DUS2: variants seen among roughly 807,000 people sequenced by gnomAD.
The protein encoded by DUS2 is tRNA-dihydrouridine(20) synthase [NAD(P)+]-like.
In DUS2, 52 loss-of-function variants were observed where a neutral mutation model predicts 71.3. The observed-to-expected ratio is 0.73, with a 90% CI of 0.58 to 0.92. DUS2 has a LOEUF of 0.92. Ranked by LOEUF, DUS2 falls within the 40% of genes least tolerant of loss-of-function variation. The pLI is 0.00. For missense variants in DUS2, 558 were observed against 622.6 expected (o/e 0.90, Z 1.10); for synonymous variants, 204 against 227.8 (o/e 0.90, Z 0.94).
At chr16:68,056,310 C>T in intron 6 of DUS2, 54 bp from the exon 7 acceptor site, 1 of 1,529,006 alleles carries the variant, frequency 6.5e-7, no homozygotes, top group Non-Finnish European at 9.0e-7. Flanking sequence ...TTTAATTTCA[C>T]CTTCTTTGCT....
At chr16:68,074,267 T>TGTAGAG in intron 13 of DUS2, 112 bp downstream of exon 13, 1 of 1,366,898 alleles carries the variant, frequency 7.3e-7, no homozygotes, top group Non-Finnish European at 1.0e-6. Context: ...TGGATGTAGA[T>TGTAGAG]GTAGAGGAGT....
rs751848596 is a variant in DUS2, at chr16:68,078,951, G to GT, written c.1447_1448insT (p.Gly483ValfsTer4). The GT allele has an allele frequency of 3.1e-6, 5 of 1,591,260 alleles. No homozygotes were observed. The African/African-American group carries it at 6.7e-5, about 21-fold the overall frequency. ...GTGCAAGAAGCCCTTTGTGGCCTTG[G>GT]GAAGTGGTGAAGAAAGCCCCCTGGA... On this transcript the variant is annotated frameshift_variant, in exon 17 of 17. Coordinates refer to ENST00000565263, the MANE Select transcript of DUS2 (RefSeq NM_017803.5). LOFTEE classifies it high-confidence loss of function.
intron 2 of DUS2, among the ~76,000 whole-genome samples, chr16:68,034,989 G>A (rs1357046271): frequency 6.6e-6 from 1 of 152,046 alleles, no homozygotes; most frequent in Non-Finnish European, 1.5e-5. Flanking sequence ...GGGCAACAGA[G>A]CAAGACTCTG....
intron 3 of DUS2, among the ~76,000 whole-genome samples, chr16:68,042,232 T>A (rs1357233552): frequency 6.6e-6 from 1 of 152,216 alleles, no homozygotes; most frequent in Non-Finnish European, 1.5e-5. Flanking sequence ...CTCTATTGTA[T>A]GTATATATCA....
intron 6 of DUS2, 74 bp downstream of exon 6, chr16:68,054,691 T>G (rs1240945581): frequency 1.9e-6 from 3 of 1,555,198 alleles, no homozygotes; most frequent in African/African-American, 2.7e-5. Flanking sequence ...TCCTGGTGAC[T>G]TTGTAGGTGA....
chr16:68,060,606 G>A (rs1317947728), intron 7 of DUS2, among the ~76,000 whole-genome samples: 3 of 152,096 alleles, frequency 2.0e-5, no homozygotes, highest in Non-Finnish European at 4.4e-5. Context: ...GAGCCACCAC[G>A]CCCAGCCTAT....
intron 3 of DUS2, among the ~76,000 whole-genome samples, chr16:68,046,014 G>C (rs896699846): frequency 1.3e-5 from 2 of 152,112 alleles, no homozygotes; most frequent in African/African-American, 4.8e-5. Flanking sequence ...CACTGTCCCT[G>C]GCCTGGGAAA....
rs145770997 is a variant in DUS2 at position 68,065,307 on chromosome 16, CCCTGTAAGT to C, written c.418-1005_418-997del. On this transcript the variant is annotated intron_variant, in intron 8 of 16. Coordinates refer to ENST00000565263, the MANE Select transcript of DUS2 (RefSeq NM_017803.5). ...CCTTAAGAGCCTTCCTGTTCCCTCA[CCCTGTAAGT>C]CCTGGAACAACACTTAGGGAACATT... Among the ~76,000 whole-genome samples, 547 of 152,046 alleles carry C rather than the reference CCCTGTAAGT, an allele frequency of 3.6e-3. 6 individuals are homozygous for C. The highest frequency in any genetic ancestry group is 0.012 in the African/African-American group (505 of 41,466).
At chr16:68,046,323 T>A (rs2033700238) in intron 3 of DUS2, among the ~76,000 whole-genome samples, 2 of 152,240 alleles carry the variant, frequency 1.3e-5, no homozygotes, top group South Asian at 4.1e-4. Flanking sequence ...TGTGTTAATT[T>A]GCTTAGGATA....
chr16:68,078,867 G>T lies in DUS2; in HGVS notation c.1363G>T (p.Ala455Ser). The T allele has an allele frequency of 1.2e-6, 2 of 1,613,886 alleles. No homozygotes were observed. The highest frequency in any genetic ancestry group is 1.7e-6 in the Non-Finnish European group (2 of 1,179,832). Residue 455 changes from alanine to serine, a missense_variant, in exon 17 of 17, where the codon GCT (alanine) becomes TCT (serine). Physicochemically the swap from Ala to Ser is moderately conservative, Grantham distance 99. Coordinates refer to ENST00000565263, the MANE Select transcript of DUS2 (RefSeq NM_017803.5). ...SPSLHKRKRE[A>S]PDQDPGGPRA... ...TTCCTTGCACAAGCGAAAGAGGGAG[G>T]CTCCTGACCAAGACCCTGGGGGCCC... is the stretch of plus-strand genomic sequence containing the variant.
intron 2 of DUS2, among the ~76,000 whole-genome samples, chr16:68,030,234 G>C (rs1478890058): frequency 6.6e-6 from 1 of 152,094 alleles, no homozygotes; most frequent in African/African-American, 2.4e-5. Context: ...GACAAGGAAG[G>C]TGTGAAGTAG....
At chr16:68,028,832 A>G (rs1218062518) in intron 2 of DUS2, among the ~76,000 whole-genome samples, 1 of 152,114 alleles carries the variant, frequency 6.6e-6, no homozygotes, top group Non-Finnish European at 1.5e-5. Flanking sequence ...AGCTGGGTTA[A>G]TTAATGTGCC....
rs2033512395 is a variant in DUS2 at position 68,035,882 on chromosome 16, TTTTATATA to T, written c.-18-2122_-18-2115del. Among the ~76,000 whole-genome samples, 4 of 75,218 alleles carry T rather than the reference TTTTATATA, an allele frequency of 5.3e-5. No individual in the cohort carries two copies. In the South Asian group the frequency reaches 1.5e-3, roughly 29 times the overall value. The allele number at this position is 75,218 out of a possible 152,430, so 49.3% of individuals were successfully genotyped here. On this transcript the variant is annotated intron_variant, in intron 2 of 16. Transcript: ENST00000565263. ...GGTGTGTACCACCACATCCCGCTAA[TTTTATATA>T]TATATATATATATATATATATATAT...
At position 68,048,388 on chromosome 16, in the gene DUS2, C is replaced by T. The variant is rs530485593; in HGVS notation, c.127-1117C>T. 7.2e-4 allele frequency among the ~76,000 whole-genome samples: 110 copies of T among 152,330 alleles called. 1 individual carries two copies. The highest frequency in any genetic ancestry group is 1.3e-3 in the Non-Finnish European group (86 of 68,030). On this transcript the variant is annotated intron_variant, in intron 3 of 16. Transcript: ENST00000565263. ...TTGCCTTCCCCTGCAACTAGGATCACTGGCTACTGGGGCTCTGAGTTGGGC... is the reference window on the plus strand; with the variant it reads ...TTGCCTTCCCCTGCAACTAGGATCATTGGCTACTGGGGCTCTGAGTTGGGC...
chr16:68,072,224 C>A (rs1167954352), intron 12 of DUS2, among the ~76,000 whole-genome samples: 1 of 152,168 alleles, frequency 6.6e-6, no homozygotes, highest in East Asian at 1.9e-4. Flanking sequence ...AGCTGGGCAG[C>A]CTTTGTCCTA....
At chr16:68,058,947 G>C (rs2418739) in intron 7 of DUS2, among the ~76,000 whole-genome samples, 35,923 of 152,070 alleles carry the variant, frequency 0.24, 4,911 homozygotes, top group African/African-American at 0.36. Context: ...CTTGGTGGCC[G>C]ATGCCTGTAA....
chr16:68,046,654 G>C (rs1474152219), intron 3 of DUS2, among the ~76,000 whole-genome samples: 1 of 151,896 alleles, frequency 6.6e-6, no homozygotes, highest in Non-Finnish European at 1.5e-5. Flanking sequence ...TTTCATGTAG[G>C]TTATCTAATT....
rs186592093 is a variant in DUS2 at position 68,037,567 on chromosome 16, G to A, written c.-18-439G>A. Among the ~76,000 whole-genome samples the A allele has an allele frequency of 4.0e-5, 6 of 151,864 alleles. No homozygotes were observed. The East Asian group carries it at 7.7e-4, about 20-fold the overall frequency. On this transcript the variant is annotated intron_variant, in intron 2 of 16. Coordinates refer to ENST00000565263, the MANE Select transcript of DUS2 (RefSeq NM_017803.5). ...TGAGTAGCTGGGATTACAGGTGCCCGCCACCATGCCCAGCTAATTTTTGTA... is the reference window on the plus strand; with the variant it reads ...TGAGTAGCTGGGATTACAGGTGCCCACCACCATGCCCAGCTAATTTTTGTA...
chr16:68,078,633 G>A, intron 16 of DUS2, 115 bp downstream of exon 16: 1 of 1,482,922 alleles, frequency 6.7e-7, no homozygotes, highest in South Asian at 1.2e-5. Flanking sequence ...GTGGGCAGTG[G>A]CATCCCTGGA....
Sources: allele counts gnomAD v4.1 joint callset (sites outside exome capture counted in the v4.1 genomes callset), GRCh38; gene constraint gnomAD v4.1.1; transcripts MANE v1.5; gene names NCBI Gene and HGNC (gene_info 2026-07-23, HGNC 2026-07-21).